PCDH15: variants seen among roughly 807,000 people sequenced by gnomAD.
PCDH15 encodes the protein protocadherin related 15.
A neutral mutation model predicts 178.5 loss-of-function variants in PCDH15; 129 were observed. That is an observed-to-expected ratio of 0.72 (90% CI 0.63 to 0.84). The LOEUF (loss-of-function observed/expected upper bound fraction) is 0.84, where lower values mean the gene tolerates loss of function less well. Ranked by LOEUF, PCDH15 falls within the 40% of genes least tolerant of loss-of-function variation. The pLI is 0.00. For synonymous variants in PCDH15, 800 were observed against 732.0 expected (o/e 1.09, Z -1.50); for missense variants, 2,230 against 2,099.9 (o/e 1.06, Z -1.21).
At chr10:55,023,861 T>C (rs1840402230) in intron 2 of PCDH15, among the ~76,000 whole-genome samples, 1 of 134,796 alleles carries the variant, frequency 7.4e-6, no homozygotes. Flanking sequence ...ATATATATAT[T>C]CCTTCCTATA....
chr10:55,433,852 A>G (rs1458730981), intron 2 of PCDH15, among the ~76,000 whole-genome samples: 15 of 151,798 alleles, frequency 9.9e-5, no homozygotes. Context: ...CATATGTACA[A>G]CCCCTGTCAC....
chr10:55,266,200 CTT>C lies in PCDH15; in HGVS notation c.-156+53397_-156+53398del, dbSNP rs144993545. ...CTCATGCATACTTAACCTTATAAAA[CTT>C]TTTTTTTTTCTTCTCATGCCTAGAA... On this transcript the variant is annotated intron_variant, in intron 1 of 5. Transcript: ENST00000458638. 4.0e-5 allele frequency among the ~76,000 whole-genome samples: 6 copies of C among 149,014 alleles called. 1 individual carries two copies. Among genetic ancestry groups the C allele is most frequent in the South Asian group, 4.2e-4 (2 of 4,716 alleles).
At chr10:54,352,730 T>C (rs938517990) in intron 5 of PCDH15, among the ~76,000 whole-genome samples, 1 of 152,168 alleles carries the variant, frequency 6.6e-6, no homozygotes, top group East Asian at 1.9e-4. Context: ...ATATCATTGA[T>C]CTGATTTATA....
rs553874847 is a variant in PCDH15, at chr10:55,589,354, T to G, written c.-156+38271A>C. 7.4e-4 allele frequency among the ~76,000 whole-genome samples: 113 copies of G among 152,250 alleles called. 1 individual carries two copies. The highest frequency in any genetic ancestry group is 1.2e-3 in the Non-Finnish European group (79 of 68,032). On this transcript the variant is annotated intron_variant, in intron 2 of 5. Transcript: ENST00000613346. The stretch of plus-strand genomic sequence containing the variant: ...TTGTTTTTCTCAGGTTTGTCAAAGA[T>G]CAGTAGTTATAGATATACGGCGTTA...
At chr10:55,253,163 G>T (rs1352824330) in intron 1 of PCDH15, among the ~76,000 whole-genome samples, 2 of 151,784 alleles carry the variant, frequency 1.3e-5, no homozygotes, top group African/African-American at 4.8e-5. Flanking sequence ...TGAGGAGAAA[G>T]ACAAAGACAG....
chr10:55,260,017 T>C (rs965098922), intron 1 of PCDH15, among the ~76,000 whole-genome samples: 1 of 151,178 alleles, frequency 6.6e-6, no homozygotes, highest in Non-Finnish European at 1.5e-5. Flanking sequence ...TGAAAGATGG[T>C]TAATGGTATA....
At chr10:54,520,667 G>C (rs2082754430) in intron 3 of PCDH15, among the ~76,000 whole-genome samples, 1 of 151,314 alleles carries the variant, frequency 6.6e-6, no homozygotes. Flanking sequence ...GATTCCTCAG[G>C]GATCTAGAAC....
chr10:55,430,698 CA>C (rs1838862103), intron 2 of PCDH15, among the ~76,000 whole-genome samples: 1 of 152,052 alleles, frequency 6.6e-6, no homozygotes, highest in African/African-American at 2.4e-5. Context: ...ATAAGAAACA[CA>C]AAGAATATTA....
At chr10:55,139,592 G>T (rs533881219) in intron 2 of PCDH15, among the ~76,000 whole-genome samples, 5 of 152,094 alleles carry the variant, frequency 3.3e-5, no homozygotes, top group African/African-American at 1.2e-4. Context: ...TCAAAAGTTA[G>T]TTGGATATAT....
intron 14 of PCDH15, among the ~76,000 whole-genome samples, chr10:54,135,169 C>T (rs1453678956): frequency 6.7e-6 from 1 of 150,270 alleles, no homozygotes; most frequent in African/African-American, 2.5e-5. Context: ...TGCCATTGCA[C>T]TCCAGCCTGG....
At chr10:55,358,290 T>C (rs1390783439) in intron 2 of PCDH15, among the ~76,000 whole-genome samples, 1 of 152,154 alleles carries the variant, frequency 6.6e-6, no homozygotes, top group Admixed American at 6.6e-5. Context: ...TTTGAATGAT[T>C]TGCATGATTC....
At chr10:54,825,665 A>C (rs1053540611) in intron 3 of PCDH15, among the ~76,000 whole-genome samples, 1 of 151,756 alleles carries the variant, frequency 6.6e-6, no homozygotes, top group Non-Finnish European at 1.5e-5. Flanking sequence ...GGCTGCATAA[A>C]TGTCTTCTTT....
chr10:54,174,513 C>T (rs548751832), intron 13 of PCDH15, among the ~76,000 whole-genome samples: 6 of 149,626 alleles, frequency 4.0e-5, no homozygotes, highest in East Asian at 3.9e-4. Context: ...CCAACCTGGG[C>T]GACAGAGCAA....
intron 1 of PCDH15, among the ~76,000 whole-genome samples, chr10:55,230,519 G>A (rs944756132): frequency 6.6e-6 from 1 of 152,016 alleles, no homozygotes; most frequent in African/African-American, 2.4e-5. Flanking sequence ...CATGCACAGG[G>A]TGCCACACAT....
At chr10:55,197,154 A>G (rs1840115111) in intron 1 of PCDH15, among the ~76,000 whole-genome samples, 1 of 152,032 alleles carries the variant, frequency 6.6e-6, no homozygotes, top group South Asian at 2.1e-4. Context: ...CTAGCTACCT[A>G]CTTTCTTCCT....
chr10:53,884,697 CCT>C (rs2080967690), intron 26 of PCDH15, among the ~76,000 whole-genome samples: 1 of 152,158 alleles, frequency 6.6e-6, no homozygotes, highest in Non-Finnish European at 1.5e-5. Flanking sequence ...TATCTCTACA[CCT>C]CTTTTTCAGG....
chr10:53,811,474 T>C, intron 36 of PCDH15, 75 bp downstream of exon 36: 1 of 911,030 alleles, frequency 1.1e-6, no homozygotes, highest in African/African-American at 1.7e-5. Flanking sequence ...ATTCTAGTAA[T>C]AATAATCATT....
At chr10:55,101,083 A>T (rs1251431275) in intron 2 of PCDH15, among the ~76,000 whole-genome samples, 1 of 152,162 alleles carries the variant, frequency 6.6e-6, no homozygotes, top group Non-Finnish European at 1.5e-5. Flanking sequence ...TAATGGGATT[A>T]AAATATTTTT....
intron 1 of PCDH15, among the ~76,000 whole-genome samples, chr10:55,282,583 T>C (rs1039945568): frequency 6.6e-6 from 1 of 152,192 alleles, no homozygotes; most frequent in Non-Finnish European, 1.5e-5. Flanking sequence ...AGACTTTAAT[T>C]CAACAGACTT....
Sources: gnomAD v4.1 joint callset for allele counts (sites outside exome capture counted in the v4.1 genomes callset) on GRCh38, gnomAD v4.1.1 for gene constraint, MANE v1.5 for transcripts, NCBI Gene and HGNC (gene_info 2026-07-23, HGNC 2026-07-21) for gene names.